TKT: variants seen among roughly 807,000 people sequenced by gnomAD.
TKT encodes epididymis luminal protein 107.
A neutral mutation model predicts 63.9 loss-of-function variants in TKT; 47 were observed. The ratio of observed to expected loss-of-function variants is 0.74; its 90% confidence interval spans 0.58 to 0.94. TKT has a LOEUF of 0.94. Ranked by LOEUF, TKT falls within the 40% of genes least tolerant of loss-of-function variation. The probability of loss-of-function intolerance (pLI) is 0.00; values close to 1 mark genes in which losing one functional copy is unlikely to be tolerated. For missense variants in TKT, 721 were observed against 846.2 expected, an observed-to-expected ratio of 0.85 and a Z score of 1.84; for synonymous variants, 338 against 334.1, an observed-to-expected ratio of 1.01 and a Z score of -0.13.
In TKT at chr3:53,230,621, T is replaced by C; in HGVS notation, c.943A>G (p.Ile315Val). 6.2e-7 allele frequency: 1 copy of C among 1,614,092 alleles called. No individual in the cohort carries two copies. The highest frequency in any genetic ancestry group is 2.2e-5 in the East Asian group (1 of 44,870). Residue 315 changes from isoleucine (I) to valine (V), a missense_variant and splice_region_variant, in exon 8 of 14, where the codon ATA (isoleucine) becomes GTA (valine). Coordinates refer to ENST00000462138, the MANE Select transcript of TKT (RefSeq NM_001064.4). ...SLPSYKVGDK[I>V]ATRKAYGQAL... ...TGCCCGTAGGCCTTGCGGGTGGCTA[T>C]CTGTGAGGAAGAGAGTGGGAAGGCT...
chr3:53,240,405 C>T (rs546900898), intron 3 of TKT, 57 bp from the exon 4 acceptor site: 12 of 1,529,606 alleles, frequency 7.8e-6, no homozygotes, highest in Admixed American at 5.4e-5. Context: ...TGGTCTCACC[C>T]GCCTAGGGAG....
chr3:53,227,902 T>C (rs1312971709), intron 12 of TKT, 154 bp downstream of exon 12: 2 of 661,812 alleles, frequency 3.0e-6, no homozygotes, highest in Non-Finnish European at 2.5e-6. Context: ...GCTCAAAGGA[T>C]GGCTATAATT....
chr3:53,241,625 C>T (rs12487632), intron 2 of TKT, among the ~76,000 whole-genome samples: 71,074 of 152,148 alleles, frequency 0.47, 18,760 homozygotes, highest in Admixed American at 0.61. Flanking sequence ...CAGGCCTGAG[C>T]ACAGGTGGAT....
intron 2 of TKT, 45 bp downstream of exon 2, chr3:53,242,080 A>G: frequency 1.3e-6 from 2 of 1,568,416 alleles, no homozygotes; most frequent in African/African-American, 2.7e-5. Context: ...GTGTGACCCT[A>G]GTCCCAGGCA....
chr3:53,252,135 C>T (rs111409997), intron 1 of TKT, among the ~76,000 whole-genome samples: 4,819 of 152,290 alleles, frequency 0.032, 132 homozygotes, highest in Middle Eastern at 0.065. Flanking sequence ...AGTGAAACTC[C>T]ATCTCAAAAG....
intron 1 of TKT, among the ~76,000 whole-genome samples, chr3:53,249,980 C>G (rs58123576): frequency 6.6e-6 from 1 of 152,286 alleles, no homozygotes; most frequent in Admixed American, 6.5e-5. Flanking sequence ...CAACAGGGGC[C>G]GGACATCAGT....
intron 4 of TKT, among the ~76,000 whole-genome samples, chr3:53,236,561 C>T (rs1206455252): frequency 1.3e-5 from 2 of 152,188 alleles, no homozygotes; most frequent in African/African-American, 4.8e-5. Context: ...GGCCCAGAGA[C>T]CCTGCAGGGA....
Position 53,235,135 on chromosome 3 carries a change from T to TGACA in TKT, c.473_476dup (p.Glu160ValfsTer16). On this transcript the variant is annotated frameshift_variant, in exon 5 of 14. Coordinates refer to ENST00000462138, the MANE Select transcript of TKT (RefSeq NM_001064.4). LOFTEE classifies it high-confidence loss of function. ...CCATGGCCTCCCATACAGAGCCCTC[T>TGACA]GACAGCTCCCCGTCTCCCAGCAAGC... The TGACA allele has an allele frequency of 6.2e-7, 1 of 1,613,402 alleles. No homozygotes were observed. Among genetic ancestry groups the TGACA allele is most frequent in the Non-Finnish European group, 8.5e-7 (1 of 1,179,802 alleles).
intron 1 of TKT, among the ~76,000 whole-genome samples, chr3:53,245,597 C>T (rs1034217696): frequency 2.6e-5 from 4 of 152,194 alleles, no homozygotes; most frequent in East Asian, 1.9e-4. Flanking sequence ...CCAGCCTGGC[C>T]AACATGGTGA....
In TKT at chr3:53,253,312, C is replaced by T. The variant is rs185531752; in HGVS notation, c.107+2524G>A. Among the ~76,000 whole-genome samples the T allele has an allele frequency of 3.2e-3, 479 of 151,988 alleles. 3 individuals carry two copies. The highest frequency in any genetic ancestry group is 0.01 in the African/African-American group (434 of 41,334). On this transcript the variant is annotated intron_variant, in intron 1 of 13. Coordinates refer to ENST00000462138, the MANE Select transcript of TKT (RefSeq NM_001064.4). ...GGCCTTTCTTTCTTTCTCTCTCTCT[C>T]TCTTTCTTTCTTTTGAGACACAGTC...
chr3:53,230,365 G>A (rs564298890), intron 8 of TKT, 92 bp downstream of exon 8: 3 of 1,532,048 alleles, frequency 2.0e-6, no homozygotes, highest in South Asian at 2.3e-5. Flanking sequence ...CCTACAGCAG[G>A]CACCTGGCTC....
chr3:53,226,470 C>T (rs1033135398), intron 13 of TKT: 2 of 435,308 alleles, frequency 4.6e-6, no homozygotes, highest in Non-Finnish European at 8.4e-6. Context: ...CCACCCTACA[C>T]TACCTCAGGG....
chr3:53,228,497 C>A (rs1427049876), intron 10 of TKT, 138 bp from the exon 11 acceptor site: 3 of 956,084 alleles, frequency 3.1e-6, no homozygotes, highest in Non-Finnish European at 3.2e-6. Context: ...GGAAAAGGGC[C>A]TTGCTTGCCC....
At chr3:53,241,925 A>G in intron 2 of TKT, 200 bp downstream of exon 2, 1 of 586,492 alleles carries the variant, frequency 1.7e-6, no homozygotes, top group Admixed American at 2.9e-5. Flanking sequence ...AGAGCAACCC[A>G]TCAATTCAGT....
At chr3:53,237,495 T>TACACACACACAC (rs3075727) in intron 4 of TKT, among the ~76,000 whole-genome samples, 147 of 144,898 alleles carry the variant, frequency 1.0e-3, no homozygotes, top group South Asian at 3.9e-3. Context: ...TTTTATATTA[T>TACACACACACAC]ACACACACAC....
At chr3:53,226,683 A>G in intron 13 of TKT, 73 bp downstream of exon 13, 1 of 1,606,292 alleles carries the variant, frequency 6.2e-7, no homozygotes, top group South Asian at 1.1e-5. Flanking sequence ...GGGCTCAGAT[A>G]GAAGAGGCAC....
chr3:53,235,118 T>C lies in TKT; in HGVS notation c.494A>G (p.Glu165Gly). 6.2e-7 allele frequency: 1 copy of C among 1,613,672 alleles called. No homozygotes were observed. The highest frequency in any genetic ancestry group is 1.1e-5 in the South Asian group (1 of 91,052). ...DGELSEGSVWEAMAFASIYKL... is the reference protein window; with the variant it reads ...DGELSEGSVWGAMAFASIYKL... ...ATAGATGCTGGCGAAGGCCATGGCCTCCCATACAGAGCCCTCTGACAGCTC... is the reference window on the plus strand; with the variant it reads ...ATAGATGCTGGCGAAGGCCATGGCCCCCCATACAGAGCCCTCTGACAGCTC... The change falls in exon 5 of 14, where the codon GAG becomes GGG. Residue 165 changes from glutamate (E) to glycine (G), a missense_variant. Glu to Gly is a moderately conservative substitution (Grantham distance 98). Coordinates refer to ENST00000462138, the MANE Select transcript of TKT (RefSeq NM_001064.4).
intron 1 of TKT, among the ~76,000 whole-genome samples, chr3:53,250,589 G>C (rs565548803): frequency 9.1e-4 from 138 of 152,156 alleles, no homozygotes; most frequent in Non-Finnish European, 1.5e-3. Context: ...TGGGCAAAAT[G>C]ACAAAACCTC....
rs782349868 is a variant in TKT at position 53,235,149 on chromosome 3, C to A, written c.463G>T (p.Asp155Tyr). 3.1e-6 allele frequency: 5 copies of A among 1,612,742 alleles called. No individual in the cohort carries two copies. The highest frequency in any genetic ancestry group is 4.2e-6 in the Non-Finnish European group (5 of 1,179,480). The stretch of plus-strand genomic sequence containing the variant: ...ACAGAGCCCTCTGACAGCTCCCCGT[C>A]TCCCAGCAAGCAATAGACTCGGTAG... The part of the protein sequence containing the change: ...ASYRVYCLLG[D>Y]GELSEGSVWE... Residue 155 changes from aspartate (D) to tyrosine (Y), a missense_variant, in exon 5 of 14, where the codon GAC (aspartate) becomes TAC (tyrosine). Transcript: ENST00000462138.
Sources: allele counts gnomAD v4.1 joint callset (sites outside exome capture counted in the v4.1 genomes callset), GRCh38; gene constraint gnomAD v4.1.1; transcripts MANE v1.5; gene names NCBI Gene and HGNC (gene_info 2026-07-23, HGNC 2026-07-21).